The following NPY2R variants were observed in gnomAD, a reference collection of about 807,000 sequenced individuals.
NPY2R encodes neuropeptide Y receptor type 2.
In NPY2R, 17 loss-of-function variants were observed where a neutral mutation model predicts 22.3. The ratio of observed to expected loss-of-function variants is 0.76; its 90% CI spans 0.52 to 1.14. The LOEUF (loss-of-function observed/expected upper bound fraction) is 1.14, where lower values mean the gene tolerates loss of function less well. Ranked by LOEUF, NPY2R falls within the 50% of genes most tolerant of loss-of-function variation. NPY2R has a pLI of 0.00. For missense variants in NPY2R, 424 were observed against 467.9 expected (o/e 0.91, Z 0.87); for synonymous variants, 209 against 183.4 (o/e 1.14, Z -1.13).
chr4:155,180,598 A>AT, the NPY2R span, among the ~76,000 whole-genome samples: 1 of 151,964 alleles, frequency 6.6e-6, no homozygotes, highest in Admixed American at 6.6e-5. Context: ...CCTTCTGACT[A>AT]TTTTTTTCTA....
At chr4:155,212,099 C>T (rs1227204392) in intron 1 of NPY2R, among the ~76,000 whole-genome samples, 1 of 152,128 alleles carries the variant, frequency 6.6e-6, no homozygotes, top group African/African-American at 2.4e-5. Flanking sequence ...GGCACATAGG[C>T]CCAGCCAAGC....
chr4:155,183,282 C>T, the NPY2R span, among the ~76,000 whole-genome samples: 20 of 152,304 alleles, frequency 1.3e-4, no homozygotes, highest in South Asian at 3.3e-3. Context: ...GCTAAACAAA[C>T]GCCTCCATTT....
At position 155,216,818 on chromosome 4, in the gene NPY2R, T is replaced by A. The variant is rs573378325; in HGVS notation, c.*1733T>A. 1 of 167,176 alleles carries A rather than the reference T, an allele frequency of 6.0e-6. No individual in the cohort carries two copies. The highest frequency in any genetic ancestry group is 2.4e-5 in the African/African-American group (1 of 41,580). The allele number at this position is 167,176 out of a possible 1,614,324, so 10.4% of individuals were successfully genotyped here. ...CTAGGCAAATTGTTCAAAAATAACC[T>A]TTTTGTCTTTTAAGTAGCAGTCACT... On this transcript the variant is annotated 3_prime_UTR_variant, in exon 2 of 2. Coordinates refer to ENST00000329476, the MANE Select transcript of NPY2R (RefSeq NM_000910.4).
At chr4:155,206,682 G>A (rs552323018), upstream of NPY2R, 2 of 152,338 alleles carry the variant, frequency 1.3e-5, no homozygotes, top group East Asian at 3.9e-4. Context: ...GGTTATGGCT[G>A]CTAATACGCT....
At position 155,214,563 on chromosome 4, in the gene NPY2R, T is replaced by G. The variant is rs768633494; in HGVS notation, c.624T>G (p.Pro208=). The change falls in exon 2 of 2, where the codon CCT becomes CCG. Residue 208 remains proline, a synonymous_variant. Transcript: ENST00000329476. ...TTGTGGCCTGTACTGAAAAGTGGCC[T>G]GGCGAGGAGAAGAGCATCTATGGCA... The part of the protein sequence containing the change: ...FEIVACTEKW[P]GEEKSIYGTV... 1 of 1,614,222 alleles carries G rather than the reference T, an allele frequency of 6.2e-7. No individual in the cohort carries two copies. Among genetic ancestry groups the G allele is most frequent in the South Asian group, 1.1e-5 (1 of 91,088 alleles).
chr4:155,210,477 C>T (rs1048751587), intron 1 of NPY2R, among the ~76,000 whole-genome samples: 11 of 152,222 alleles, frequency 7.2e-5, no homozygotes, highest in African/African-American at 2.7e-4. Context: ...CCTCCAAACT[C>T]CAGCCTCTTG....
In NPY2R at chr4:155,215,131, A is replaced by G. The variant is rs1402214861; in HGVS notation, c.*46A>G. 4 of 1,556,084 alleles carry G rather than the reference A, an allele frequency of 2.6e-6. No homozygotes were observed. The highest frequency in any genetic ancestry group is 1.7e-5 in the Admixed American group (1 of 59,812). On this transcript the variant is annotated 3_prime_UTR_variant, in exon 2 of 2. Transcript: ENST00000329476. ...GTATGGATGAATTCTGACCAGAGCT[A>G]TGAATCTGGTTGATGGCGGCTCACA... is the stretch of plus-strand genomic sequence containing the variant.
chr4:155,210,053 C>A (rs1729370887), intron 1 of NPY2R, among the ~76,000 whole-genome samples: 1 of 152,176 alleles, frequency 6.6e-6, no homozygotes, highest in African/African-American at 2.4e-5. Flanking sequence ...AGTAAAAGTT[C>A]TCTTTAAATG....
Position 155,216,735 on chromosome 4 carries a change from G to A in NPY2R, c.*1650G>A, listed in dbSNP as rs375435169. The A allele has an allele frequency of 3.6e-5, 6 of 166,886 alleles. No homozygotes were observed. The highest frequency in any genetic ancestry group is 7.2e-5 in the African/African-American group (3 of 41,410). 10.3% of individuals were successfully genotyped at this position (166,886 alleles called of 1,614,324 possible). On this transcript the variant is annotated 3_prime_UTR_variant, in exon 2 of 2. Transcript: ENST00000329476. The stretch of plus-strand genomic sequence containing the variant: ...GATTAGGTGTAAGACTTTAAGAAGC[G>A]AACAAAAAGTAATGTATATCTGTAA...
At chr4:155,175,942 A>G in the NPY2R span, among the ~76,000 whole-genome samples, 1 of 152,130 alleles carries the variant, frequency 6.6e-6, no homozygotes, top group Non-Finnish European at 1.5e-5. Flanking sequence ...CATCTCATAG[A>G]GCTGATATTT....
chr4:155,214,641 T>C lies in NPY2R; in HGVS notation c.702T>C (p.Ile234=). 4 of 1,614,208 alleles carry C rather than the reference T, an allele frequency of 2.5e-6. No homozygotes were observed. The highest frequency in any genetic ancestry group is 3.4e-6 in the Non-Finnish European group (4 of 1,180,020). The change falls in exon 2 of 2, where the codon ATT becomes ATC. Residue 234 remains isoleucine, a synonymous_variant. Transcript: ENST00000329476. ...LLILYVLPLG[I]ISFSYTRIWS... ...TCTTGTATGTTTTGCCTCTGGGCAT[T>C]ATATCATTTTCCTACACTCGCATTT...
At chr4:155,177,068 A>C in the NPY2R span, among the ~76,000 whole-genome samples, 1 of 152,164 alleles carries the variant, frequency 6.6e-6, no homozygotes, top group Non-Finnish European at 1.5e-5. Flanking sequence ...AAACCATAAG[A>C]TTCTGACACT....
the NPY2R span, among the ~76,000 whole-genome samples, chr4:155,184,610 G>T: frequency 6.6e-6 from 1 of 151,962 alleles, no homozygotes. Context: ...CCATAAAAAA[G>T]GTCTGAGACC....
chr4:155,180,111 G>T, the NPY2R span, among the ~76,000 whole-genome samples: 1 of 150,086 alleles, frequency 6.7e-6, no homozygotes, highest in African/African-American at 2.5e-5. Context: ...CTTAAGATGG[G>T]GTCTTGCCAT....
chr4:155,206,453 G>C (rs531609499), upstream of NPY2R: 1 of 152,190 alleles, frequency 6.6e-6, no homozygotes, highest in African/African-American at 2.4e-5. Flanking sequence ...ATGCACAAAA[G>C]TGTCATAAGC....
upstream of NPY2R, chr4:155,208,408 A>G (rs1386253513): frequency 6.6e-6 from 1 of 152,188 alleles, no homozygotes; most frequent in Non-Finnish European, 1.5e-5. This position sits in a 1 kb window ranked among gnomAD's most constrained non-coding sequence, Gnocchi z 5.6. Context: ...CAAGTCCAGG[A>G]GGTCTGTCTT....
chr4:155,196,533 G>T, the NPY2R span, among the ~76,000 whole-genome samples: 2 of 152,070 alleles, frequency 1.3e-5, no homozygotes, highest in Non-Finnish European at 1.5e-5. Flanking sequence ...AGTAACTAGG[G>T]CTCAGAAAGA....
rs1005937300 is a variant in NPY2R at position 155,214,473 on chromosome 4, G to T, written c.534G>T (p.Leu178=). The T allele has an allele frequency of 1.2e-5, 20 of 1,614,106 alleles. No homozygotes were observed. Among genetic ancestry groups the T allele is most frequent in the South Asian group, 2.2e-5 (2 of 91,070 alleles). The part of the protein sequence containing the change: ...IIGLAWGISA[L]LASPLAIFRE... ...GCTTGGCCTGGGGCATCAGTGCCCT[G>T]CTGGCAAGTCCCCTGGCCATCTTCC... is the stretch of plus-strand genomic sequence containing the variant. Residue 178 remains leucine (L), a synonymous_variant, in exon 2 of 2, where the codon CTG becomes CTT. Coordinates refer to ENST00000329476, the MANE Select transcript of NPY2R (RefSeq NM_000910.4).
the NPY2R span, among the ~76,000 whole-genome samples, chr4:155,183,693 C>T: frequency 1.3e-5 from 2 of 152,092 alleles, no homozygotes; most frequent in Non-Finnish European, 2.9e-5. Context: ...ATGAGTGAAC[C>T]ATTGGAACCA....
Sources: gnomAD v4.1 joint callset for allele counts (sites outside exome capture counted in the v4.1 genomes callset) on GRCh38, gnomAD v4.1.1 for gene constraint, Gnocchi (gnomAD v3.1) non-coding constraint, MANE v1.5 for transcripts, NCBI Gene and HGNC (gene_info 2026-07-23, HGNC 2026-07-21) for gene names.